EPB42: variants seen among roughly 807,000 people sequenced by gnomAD.
The protein encoded by EPB42 is erythrocyte membrane protein band 4.2.
In EPB42, 49 loss-of-function variants were observed where a neutral mutation model predicts 76.9. The ratio of observed to expected loss-of-function variants is 0.64; its 90% CI spans 0.51 to 0.81. The LOEUF (loss-of-function observed/expected upper bound fraction) is 0.81, where lower values mean the gene tolerates loss of function less well. EPB42 is among the 30% of genes least tolerant of loss of function. EPB42 has a pLI of 0.00. For missense variants in EPB42, 731 were observed against 867.6 expected, an observed-to-expected ratio of 0.84 and a Z score of 1.98; for synonymous variants, 310 against 338.4, an observed-to-expected ratio of 0.92 and a Z score of 0.92.
chr15:43,211,909 TA>T (rs959251448), intron 3 of EPB42, among the ~76,000 whole-genome samples: 8 of 144,594 alleles, frequency 5.5e-5, no homozygotes, highest in East Asian at 2.0e-4. Context: ...CTACAAAAAA[TA>T]AAAAAAAAAC....
upstream of EPB42, among the ~76,000 whole-genome samples, chr15:43,223,282 T>G (rs1416114828): frequency 6.6e-6 from 1 of 152,244 alleles, no homozygotes; most frequent in African/African-American, 2.4e-5. Flanking sequence ...TGGGCCACTG[T>G]GCTCCAGCCT....
intron 1 of EPB42, among the ~76,000 whole-genome samples, chr15:43,217,827 A>G (rs2899077): frequency 0.2 from 31,061 of 152,146 alleles, 4,995 homozygotes; most frequent in African/African-American, 0.45. Context: ...ATTTTCCTCA[A>G]TTCCCAGTCT....
Position 43,215,267 on chromosome 15 carries a change from G to T in EPB42, c.258C>A (p.Asp86Glu). Reference protein sequence around the residue: ...QATFPISSLGDRKWWSAVVEE... With the variant: ...QATFPISSLGERKWWSAVVEE... ...CCACCACTGCACTCCACCACTTTCGGTCCCCCAGACTGGAAATTGGGAATG... is the reference window on the plus strand; with the variant it reads ...CCACCACTGCACTCCACCACTTTCGTTCCCCCAGACTGGAAATTGGGAATG... The change falls in exon 3 of 13, where the codon GAC (aspartate) becomes GAA (glutamate). Residue 86 changes from aspartate to glutamate, a missense_variant. Physicochemically the swap from Asp to Glu is conservative, Grantham distance 45. Transcript: ENST00000441366. The T allele has an allele frequency of 6.2e-7, 1 of 1,614,082 alleles. No homozygotes were observed. The highest frequency in any genetic ancestry group is 2.2e-5 in the East Asian group (1 of 44,898).
rs772450723 is a variant in EPB42, at chr15:43,197,272, T to A, written c.*30A>T. On this transcript the variant is annotated 3_prime_UTR_variant, in exon 13 of 13. Coordinates refer to ENST00000441366, the MANE Select transcript of EPB42 (RefSeq NM_001114134.2). ...TTGGTTTAGATTGTAGAACAAGGGT[T>A]GGCAGGAGAGTGGTGATAGAGCTGG... The A allele has an allele frequency of 6.2e-7, 1 of 1,614,068 alleles. No homozygotes were observed.
At chr15:43,219,074 G>A (rs763059911) in intron 1 of EPB42, among the ~76,000 whole-genome samples, 5 of 152,164 alleles carry the variant, frequency 3.3e-5, no homozygotes, top group Non-Finnish European at 5.9e-5. Context: ...GGGAGGGGGC[G>A]GTGAGGGGAA....
intron 3 of EPB42, 93 bp downstream of exon 3, chr15:43,215,002 G>A: frequency 9.2e-7 from 1 of 1,085,780 alleles, no homozygotes; most frequent in Non-Finnish European, 1.4e-6. Context: ...GCTGCCACAG[G>A]GGCCTGGTGC....
intron 9 of EPB42, 72 bp downstream of exon 9, chr15:43,207,127 A>G (rs2042216224): frequency 5.0e-6 from 8 of 1,605,202 alleles, no homozygotes; most frequent in Admixed American, 3.3e-5. Context: ...GGCTGCATCT[A>G]CCAGGCCCAT....
chr15:43,210,274 G>T (rs1214488550), intron 5 of EPB42, 61 bp downstream of exon 5: 8 of 1,458,304 alleles, frequency 5.5e-6, no homozygotes, highest in Non-Finnish European at 6.7e-6. Context: ...GGTGGGGCAG[G>T]TCTCTCAGAG....
chr15:43,215,154 G>A lies in EPB42; in HGVS notation c.371C>T (p.Ser124Leu). 6.2e-7 allele frequency: 1 copy of A among 1,614,234 alleles called. No individual in the cohort carries two copies. Among genetic ancestry groups the A allele is most frequent in the Non-Finnish European group, 8.5e-7 (1 of 1,180,036 alleles). The change falls in exon 3 of 13, where the codon TCA becomes TTA. Residue 124 changes from serine to leucine, a missense_variant. Physicochemically the swap from Ser to Leu is moderately radical, Grantham distance 145 (BLOSUM62 -2). Coordinates refer to ENST00000441366, the MANE Select transcript of EPB42 (RefSeq NM_001114134.2). ...IGHYSLLLQV[S>L]GRKQLLLGQF... ...ACCCAAGAGGAGTTGCTTCCTGCCT[G>A]AGACCTGCAGCAGAAGCGAGTAGTG...
intron 5 of EPB42, chr15:43,209,679 G>C: frequency 1.9e-6 from 1 of 517,842 alleles, no homozygotes; most frequent in South Asian, 3.4e-5. Flanking sequence ...AAGTTCTCTG[G>C]CTCCAGCCAC....
Position 43,208,309 on chromosome 15 carries a change from G to T in EPB42, c.996C>A (p.Cys332Ter), listed in dbSNP as rs2042237124. The T allele has an allele frequency of 3.1e-6, 5 of 1,614,114 alleles. No individual in the cohort carries two copies. Among genetic ancestry groups the T allele is most frequent in the Non-Finnish European group, 4.2e-6 (5 of 1,179,988 alleles). Residue 332 changes from cysteine to a stop codon, truncating the protein, a stop_gained, in exon 8 of 13, where the codon TGC (cysteine) becomes TGA (stop). Transcript: ENST00000441366. LOFTEE classifies it high-confidence loss of function. ...GGGGCAAGGCAGGCCGCGTCATCCA[G>T]CACTCTGTGGAAGTCTGGAAGATCC... Reference protein sequence around the residue: ...RIWIFQTSTECWMTRPALPQG... With the variant: ...RIWIFQTSTE
chr15:43,225,368 C>T (rs1343737183), upstream of EPB42, among the ~76,000 whole-genome samples: 1 of 152,200 alleles, frequency 6.6e-6, no homozygotes, highest in African/African-American at 2.4e-5. Flanking sequence ...ACTATTTTCA[C>T]CACAGAGGGC....
rs1343651479 is a variant in EPB42 at position 43,197,264 on chromosome 15, A to G, written c.*38T>C. The stretch of plus-strand genomic sequence containing the variant: ...GCACATGTTTGGTTTAGATTGTAGA[A>G]CAAGGGTTGGCAGGAGAGTGGTGAT... On this transcript the variant is annotated 3_prime_UTR_variant, in exon 13 of 13. Coordinates refer to ENST00000441366, the MANE Select transcript of EPB42 (RefSeq NM_001114134.2). 2.5e-6 allele frequency: 4 copies of G among 1,613,792 alleles called. No homozygotes were observed. Among genetic ancestry groups the G allele is most frequent in the Non-Finnish European group, 3.4e-6 (4 of 1,179,830 alleles).
At chr15:43,216,907 T>A (rs890450574) in intron 1 of EPB42, among the ~76,000 whole-genome samples, 1 of 152,192 alleles carries the variant, frequency 6.6e-6, no homozygotes, top group African/African-American at 2.4e-5. Flanking sequence ...CCAATTCTCT[T>A]GTTTTATAGA....
At chr15:43,201,111 G>T (rs2042117765) in intron 12 of EPB42, among the ~76,000 whole-genome samples, 1 of 152,132 alleles carries the variant, frequency 6.6e-6, no homozygotes, top group African/African-American at 2.4e-5. Context: ...CACCGGGCCT[G>T]GCCACCAAAT....
At chr15:43,200,380 C>T (rs1401941364) in intron 12 of EPB42, among the ~76,000 whole-genome samples, 1 of 152,038 alleles carries the variant, frequency 6.6e-6, no homozygotes, top group Non-Finnish European at 1.5e-5. Flanking sequence ...ACTGTCTGTT[C>T]AACTAAGGAT....
Position 43,206,364 on chromosome 15 carries a change from C to T in EPB42, c.1584G>A (p.Arg528=). ...CACTGAGCGTGAGGTGCAGCTTCTTCCTCCAGAGCTTGGCAGCAAGGACAC... is the reference window on the plus strand; with the variant it reads ...CACTGAGCGTGAGGTGCAGCTTCTTTCTCCAGAGCTTGGCAGCAAGGACAC... ...YNGVLAAKLW[R]KKLHLTLSAN... The change falls in exon 10 of 13, where the codon AGG becomes AGA. Residue 528 remains arginine (R), a synonymous_variant. Coordinates refer to ENST00000441366, the MANE Select transcript of EPB42 (RefSeq NM_001114134.2). The surrounding 1 kb of genome is among the most constrained non-coding windows in gnomAD (Gnocchi z 4.7). 6.2e-7 allele frequency: 1 copy of T among 1,612,896 alleles called. No individual in the cohort carries two copies. Among genetic ancestry groups the T allele is most frequent in the East Asian group, 2.2e-5 (1 of 44,834 alleles).
intron 4 of EPB42, among the ~76,000 whole-genome samples, chr15:43,210,820 G>A (rs1596412334): frequency 6.6e-6 from 1 of 152,210 alleles, no homozygotes; most frequent in Non-Finnish European, 1.5e-5. Flanking sequence ...GGCAGCTCCT[G>A]TTCCTGAGGA....
At chr15:43,203,426 C>G in intron 10 of EPB42, 151 bp from the exon 11 acceptor site, 1 of 998,190 alleles carries the variant, frequency 1.0e-6, no homozygotes, top group Non-Finnish European at 1.5e-6. Context: ...GGAACTCACT[C>G]AAGACCTCAC....
Sources: gnomAD v4.1 joint callset for allele counts (sites outside exome capture counted in the v4.1 genomes callset) on GRCh38, gnomAD v4.1.1 for gene constraint, Gnocchi (gnomAD v3.1) non-coding constraint, MANE v1.5 for transcripts, NCBI Gene and HGNC (gene_info 2026-07-23, HGNC 2026-07-21) for gene names.